Variants in MACROD2 observed in about 807,000 individuals in gnomAD.
The protein encoded by MACROD2 is ADP-ribose glycohydrolase MACROD2.
In MACROD2, 36 loss-of-function variants were observed where a neutral mutation model predicts 70.4. That is an observed-to-expected ratio of 0.51 (90% CI 0.39 to 0.68). The LOEUF is 0.68. MACROD2 is among the 30% of genes least tolerant of loss of function. MACROD2 has a pLI of 0.00. For missense variants in MACROD2, 496 were observed against 538.4 expected, an observed-to-expected ratio of 0.92 and a Z score of 0.78; for synonymous variants, 172 against 178.8, an observed-to-expected ratio of 0.96 and a Z score of 0.30.
chr20:14,043,120 A>T (rs1055037783), intron 2 of MACROD2, among the ~76,000 whole-genome samples: 1 of 151,948 alleles, frequency 6.6e-6, no homozygotes, highest in Non-Finnish European at 1.5e-5. Flanking sequence ...GGGTCTTACT[A>T]TGTTGCCTGG....
chr20:15,037,883 A>G (rs2075326056), intron 5 of MACROD2, among the ~76,000 whole-genome samples: 1 of 152,144 alleles, frequency 6.6e-6, no homozygotes, highest in African/African-American at 2.4e-5. Context: ...GTATGAGAGT[A>G]TAGTAAATAA....
intron 5 of MACROD2, among the ~76,000 whole-genome samples, chr20:14,747,751 T>A (rs1453539213): frequency 1.3e-5 from 2 of 151,540 alleles, no homozygotes; most frequent in Admixed American, 6.6e-5. Context: ...AAAAAAGGGA[T>A]CTCAATCTTG....
intron 5 of MACROD2, among the ~76,000 whole-genome samples, chr20:15,202,558 A>AT (rs1430253854): frequency 2.6e-5 from 4 of 152,120 alleles, no homozygotes; most frequent in Admixed American, 6.6e-5. Flanking sequence ...AAGTTCATCT[A>AT]TTTTTTAAAA....
At chr20:15,367,704 TG>T (rs1428631906) in intron 6 of MACROD2, among the ~76,000 whole-genome samples, 4 of 152,278 alleles carry the variant, frequency 2.6e-5, no homozygotes, top group South Asian at 4.1e-4. Context: ...TTGTTTGCTT[TG>T]TTTTTTTTAA....
intron 6 of MACROD2, among the ~76,000 whole-genome samples, chr20:15,357,798 C>CTTTTTTTTTTTTT (rs200860242): frequency 1.5e-5 from 2 of 135,716 alleles, no homozygotes; most frequent in African/African-American, 2.8e-5. Context: ...TTCATTCATT[C>CTTTTTTTTTTTTT]TTTTTTTTTT....
intron 5 of MACROD2, among the ~76,000 whole-genome samples, chr20:15,169,733 A>G (rs774902216): frequency 4.6e-5 from 7 of 152,146 alleles, no homozygotes; most frequent in Admixed American, 6.5e-5. Flanking sequence ...CAAAATTACA[A>G]GATGCTTTAT....
At chr20:14,319,307 A>G (rs1431041417) in intron 3 of MACROD2, among the ~76,000 whole-genome samples, 4 of 152,306 alleles carry the variant, frequency 2.6e-5, no homozygotes, top group African/African-American at 9.6e-5. Flanking sequence ...CAGGCATCCT[A>G]GAGCCACAGT....
chr20:15,654,034 C>G (rs948734541), intron 8 of MACROD2, among the ~76,000 whole-genome samples: 1 of 152,108 alleles, frequency 6.6e-6, no homozygotes, highest in Non-Finnish European at 1.5e-5. Context: ...CCATTCCAGC[C>G]CTATTCTCTG....
intron 8 of MACROD2, among the ~76,000 whole-genome samples, chr20:15,645,644 A>C (rs1465107303): frequency 1.3e-5 from 2 of 152,204 alleles, no homozygotes. Flanking sequence ...GGGGTAAAAT[A>C]GGTGGGAAGA....
At chr20:15,939,949 G>T (rs2065726051) in intron 12 of MACROD2, among the ~76,000 whole-genome samples, 1 of 152,132 alleles carries the variant, frequency 6.6e-6, no homozygotes, top group Non-Finnish European at 1.5e-5. Context: ...ACTAGAAGTG[G>T]AGACTGAAGA....
rs566434936 is a variant in MACROD2, at chr20:14,776,200, A to AT, written c.418+91245dup. 4.6e-5 allele frequency among the ~76,000 whole-genome samples: 7 copies of AT among 152,020 alleles called. No individual in the cohort carries two copies. The East Asian group carries it at 1.4e-3, about 29-fold the overall frequency. Reference sequence around the variant, plus strand: ...GCCCTCTCATACAGCATAGGGAGGGATTTTCTGGAGCCAAAGAGTGGGTTT... The same window carrying AT: ...GCCCTCTCATACAGCATAGGGAGGGATTTTTCTGGAGCCAAAGAGTGGGTTT... On this transcript the variant is annotated intron_variant, in intron 5 of 17. Coordinates refer to ENST00000684519, the MANE Select transcript of MACROD2 (RefSeq NM_001351661.2).
chr20:14,451,385 G>C (rs1445582331), intron 3 of MACROD2, among the ~76,000 whole-genome samples: 2 of 152,136 alleles, frequency 1.3e-5, no homozygotes, highest in Admixed American at 6.5e-5. Context: ...GGAGGCAGAG[G>C]TTGCAGTGAG....
At chr20:15,020,941 A>G (rs1049347698) in intron 5 of MACROD2, among the ~76,000 whole-genome samples, 3 of 150,610 alleles carry the variant, frequency 2.0e-5, no homozygotes, top group African/African-American at 2.4e-5. Context: ...ATATGTATAC[A>G]TATGTATACA....
At chr20:14,046,520 G>A (rs1204922009) in intron 2 of MACROD2, among the ~76,000 whole-genome samples, 1 of 152,104 alleles carries the variant, frequency 6.6e-6, no homozygotes, top group East Asian at 1.9e-4. Flanking sequence ...CCTTTCTCCA[G>A]TAACCCAGGA....
At chr20:14,234,699 T>C (rs1403807505) in intron 3 of MACROD2, among the ~76,000 whole-genome samples, 2 of 152,130 alleles carry the variant, frequency 1.3e-5, no homozygotes, top group Non-Finnish European at 1.5e-5. Context: ...CATATCTCTG[T>C]ACATGCACAC....
intron 3 of MACROD2, among the ~76,000 whole-genome samples, chr20:14,117,873 C>T (rs1187886272): frequency 6.6e-6 from 1 of 152,188 alleles, no homozygotes; most frequent in Non-Finnish European, 1.5e-5. Flanking sequence ...ACTTCCCCCA[C>T]CAGGATACAG....
chr20:14,439,277 C>T (rs1201899369), intron 3 of MACROD2, among the ~76,000 whole-genome samples: 1 of 151,972 alleles, frequency 6.6e-6, no homozygotes, highest in Non-Finnish European at 1.5e-5. Flanking sequence ...ATGCTAGTAC[C>T]ATACTGTTTT....
chr20:15,220,774 G>GC (rs1177376384), intron 5 of MACROD2, among the ~76,000 whole-genome samples: 1 of 152,080 alleles, frequency 6.6e-6, no homozygotes, highest in Non-Finnish European at 1.5e-5. Context: ...GAAAAAAATG[G>GC]GGGGGGCTCT....
At chr20:14,746,596 C>A (rs1388459931) in intron 5 of MACROD2, among the ~76,000 whole-genome samples, 1 of 152,008 alleles carries the variant, frequency 6.6e-6, no homozygotes. Context: ...CATTCTATTG[C>A]CTTCATGCTT....
Sources: gnomAD v4.1 joint callset for allele counts (sites outside exome capture counted in the v4.1 genomes callset) on GRCh38, gnomAD v4.1.1 for gene constraint, MANE v1.5 for transcripts, NCBI Gene and HGNC (gene_info 2026-07-23, HGNC 2026-07-21) for gene names.